The following LUZP2 variants were observed in gnomAD, a reference collection of about 807,000 sequenced individuals.
LUZP2 encodes leucine zipper protein 2.
Under a neutral mutation model 51.6 loss-of-function variants are expected in LUZP2, and 52 were observed. The observed-to-expected ratio is 1.01, with a 90% CI of 0.81 to 1.27. The LOEUF is 1.27. Among genes scored for constraint, LUZP2 ranks in the 50% most tolerant of loss-of-function variants. The pLI, the probability that LUZP2 is intolerant of heterozygous loss-of-function variation, is 0.00. For synonymous variants in LUZP2, 154 were observed against 137.3 expected (o/e 1.12, Z -0.85); for missense variants, 436 against 395.4 (o/e 1.10, Z -0.87).
chr11:25,061,255 A>G (rs1386443758), intron 10 of LUZP2, among the ~76,000 whole-genome samples: 1 of 152,156 alleles, frequency 6.6e-6, no homozygotes, highest in African/African-American at 2.4e-5. Context: ...CACAGAGATT[A>G]TGTAATTACC....
intron 7 of LUZP2, among the ~76,000 whole-genome samples, chr11:24,919,550 T>G (rs923681221): frequency 7.0e-6 from 1 of 143,484 alleles, no homozygotes; most frequent in Non-Finnish European, 1.5e-5. Flanking sequence ...TATGTATTCT[T>G]TATATATATT....
At chr11:24,980,682 A>T (rs1223025998) in intron 8 of LUZP2, among the ~76,000 whole-genome samples, 1 of 151,830 alleles carries the variant, frequency 6.6e-6, no homozygotes, top group Non-Finnish European at 1.5e-5. Flanking sequence ...TAAAGGTAGA[A>T]AATATAATAA....
At chr11:24,654,196 G>T (rs953650946) in intron 1 of LUZP2, among the ~76,000 whole-genome samples, 2 of 151,970 alleles carry the variant, frequency 1.3e-5, no homozygotes, top group African/African-American at 4.8e-5. Flanking sequence ...TAAGCCAGTT[G>T]GTAAGAACTT....
chr11:25,015,487 C>T (rs1456397924), intron 9 of LUZP2, among the ~76,000 whole-genome samples: 1 of 152,252 alleles, frequency 6.6e-6, no homozygotes, highest in Non-Finnish European at 1.5e-5. Context: ...CATCCTGTGT[C>T]CTTAGTCTCC....
rs1858290338 is a variant in LUZP2, at chr11:24,722,042, T to C, written c.63-7127T>C. Among the ~76,000 whole-genome samples, 5 of 152,190 alleles carry C rather than the reference T, an allele frequency of 3.3e-5. No homozygotes were observed. The South Asian group carries it at 1.0e-3, about 32-fold the overall frequency. The stretch of plus-strand genomic sequence containing the variant: ...GCACTGCAAAATATTGGGATTTAAT[T>C]ATATGTTCCCGTGCAACACAGAAAA... On this transcript the variant is annotated intron_variant, in intron 1 of 11. Transcript: ENST00000336930.
chr11:25,002,857 A>T (rs1590822857), intron 9 of LUZP2, among the ~76,000 whole-genome samples: 1 of 152,132 alleles, frequency 6.6e-6, no homozygotes, highest in South Asian at 2.1e-4. Context: ...ATTCTACTAG[A>T]TAAGTATTTG....
At chr11:24,960,218 T>A (rs1435410252) in intron 7 of LUZP2, among the ~76,000 whole-genome samples, 2 of 152,178 alleles carry the variant, frequency 1.3e-5, no homozygotes, top group Non-Finnish European at 2.9e-5. Flanking sequence ...TCTCTTTTTT[T>A]GTTGTGTCTT....
chr11:24,890,334 C>T (rs1385166372), intron 5 of LUZP2, among the ~76,000 whole-genome samples: 2 of 152,104 alleles, frequency 1.3e-5, no homozygotes, highest in Non-Finnish European at 2.9e-5. Context: ...AGAAGAAGTA[C>T]ATGACAATAA....
At chr11:25,014,744 C>G (rs7108673) in intron 9 of LUZP2, among the ~76,000 whole-genome samples, 9 of 151,928 alleles carry the variant, frequency 5.9e-5, no homozygotes, top group African/African-American at 2.2e-4. Flanking sequence ...TGCAGAAGCT[C>G]TTTAGTTTAA....
At chr11:25,014,143 C>T (rs1857068733) in intron 9 of LUZP2, among the ~76,000 whole-genome samples, 1 of 152,152 alleles carries the variant, frequency 6.6e-6, no homozygotes, top group Non-Finnish European at 1.5e-5. Flanking sequence ...TTAATCCAGT[C>T]TATCATTGTT....
chr11:25,049,682 G>T (rs1858430456), intron 9 of LUZP2, among the ~76,000 whole-genome samples: 1 of 151,674 alleles, frequency 6.6e-6, no homozygotes, highest in Non-Finnish European at 1.5e-5. Context: ...TATATACTGG[G>T]GGTTAAAATA....
chr11:25,062,587 CAAAAAAAA>C (rs1163708322), intron 10 of LUZP2, among the ~76,000 whole-genome samples: 6 of 43,092 alleles, frequency 1.4e-4, no homozygotes, highest in East Asian at 1.5e-3. Flanking sequence ...AAGACCCTGT[CAAAAAAAA>C]AAAAAAAAAA....
rs552618288 is a variant in LUZP2, at chr11:24,658,785, A to G, written c.63-70384A>G. Among the ~76,000 whole-genome samples, 16 of 152,312 alleles carry G rather than the reference A, an allele frequency of 1.1e-4. No homozygotes were observed. In the East Asian group the frequency reaches 1.5e-3, roughly 15 times the overall value. ...GGATATGAACAGACACTTCTCAAAA[A>G]AAGACATTTATGCAGCAAACAGACA... On this transcript the variant is annotated intron_variant, in intron 1 of 11. Coordinates refer to ENST00000336930, the MANE Select transcript of LUZP2 (RefSeq NM_001009909.4).
intron 1 of LUZP2, among the ~76,000 whole-genome samples, chr11:24,659,053 C>T (rs1855918647): frequency 6.6e-6 from 1 of 152,166 alleles, no homozygotes; most frequent in African/African-American, 2.4e-5. Flanking sequence ...CCATTTAACC[C>T]AGCCATCCCA....
intron 10 of LUZP2, among the ~76,000 whole-genome samples, chr11:25,073,042 T>G (rs774169887): frequency 2.7e-4 from 41 of 152,040 alleles, no homozygotes; most frequent in Non-Finnish European, 5.9e-4. Flanking sequence ...TTATACACAC[T>G]TTAAAAAGGG....
intron 1 of LUZP2, among the ~76,000 whole-genome samples, chr11:24,509,044 A>G (rs934999467): frequency 3.3e-5 from 5 of 152,162 alleles, no homozygotes; most frequent in Non-Finnish European, 5.9e-5. Flanking sequence ...TACATGTAGA[A>G]TGATGGGACA....
intron 1 of LUZP2, among the ~76,000 whole-genome samples, chr11:24,726,536 A>C (rs987790469): frequency 5.3e-5 from 8 of 151,860 alleles, no homozygotes; most frequent in African/African-American, 1.9e-4. Context: ...CCCCCCACCA[A>C]AAAAAATTAA....
In LUZP2 at chr11:24,604,662, A is replaced by G. The variant is rs183139538; in HGVS notation, c.62+107357A>G. Among the ~76,000 whole-genome samples, 9 of 151,922 alleles carry G rather than the reference A, an allele frequency of 5.9e-5. No homozygotes were observed. The South Asian group carries it at 1.5e-3, about 24-fold the overall frequency. ...AGCTCTGTCATTTACCATTTGTTTG[A>G]CTTTGTCCGGTGTATTTAACTTTAC... is the stretch of plus-strand genomic sequence containing the variant. On this transcript the variant is annotated intron_variant, in intron 1 of 11. Transcript: ENST00000336930.
chr11:25,048,337 T>A lies in LUZP2; in HGVS notation c.766-1701T>A, dbSNP rs554752545. On this transcript the variant is annotated intron_variant, in intron 9 of 11. Transcript: ENST00000336930. ...CAGCAACCCACTTCAAAAATAACCC[T>A]CTTCACTAGAACTTTTCTTATTACC... Among the ~76,000 whole-genome samples the A allele has an allele frequency of 3.7e-4, 57 of 152,258 alleles. 1 individual carries two copies. The South Asian group carries it at 0.012, about 31-fold the overall frequency.
Sources: gnomAD v4.1 joint callset for allele counts (sites outside exome capture counted in the v4.1 genomes callset) on GRCh38, gnomAD v4.1.1 for gene constraint, MANE v1.5 for transcripts, NCBI Gene and HGNC (gene_info 2026-07-23, HGNC 2026-07-21) for gene names.